COX7B2: variants seen among roughly 807,000 people sequenced by gnomAD.
COX7B2 encodes cytochrome c oxidase subunit 7B2, also known as cytochrome c oxidase subunit 7B2, mitochondrial.
For synonymous variants in COX7B2, 37 were observed against 32.1 expected (o/e 1.15, Z -0.51); for missense variants, 109 against 95.9 (o/e 1.14, Z -0.57).
At chr4:46,735,802 A>C (rs879873040) in intron 2 of COX7B2, among the ~76,000 whole-genome samples, 1 of 152,158 alleles carries the variant, frequency 6.6e-6, no homozygotes, top group Non-Finnish European at 1.5e-5. Context: ...GGGTTATCAC[A>C]CAATTTACAA....
At chr4:46,735,415 AATT>A (rs1480461554) in intron 2 of COX7B2, among the ~76,000 whole-genome samples, 174 bp from the exon 3 acceptor site, 3 of 152,288 alleles carry the variant, frequency 2.0e-5, no homozygotes, top group Non-Finnish European at 4.4e-5. Context: ...AACTTGGGGC[AATT>A]ATTTAACTTC....
At chr4:46,819,439 G>A (rs1023374558) in intron 2 of COX7B2, among the ~76,000 whole-genome samples, 2 of 151,844 alleles carry the variant, frequency 1.3e-5, no homozygotes, top group African/African-American at 4.8e-5. Flanking sequence ...AGTTAAATCA[G>A]GGGTGTCCAA....
intron 1 of COX7B2, among the ~76,000 whole-genome samples, chr4:46,859,297 T>C (rs960420893): frequency 2.6e-5 from 4 of 152,154 alleles, no homozygotes; most frequent in African/African-American, 9.7e-5. Context: ...TTTCTCACAA[T>C]GTTGACTCAA....
At chr4:46,744,891 G>A (rs1003345831) in intron 2 of COX7B2, among the ~76,000 whole-genome samples, 1 of 151,546 alleles carries the variant, frequency 6.6e-6, no homozygotes, top group African/African-American at 2.4e-5. Flanking sequence ...TGGCACGCCC[G>A]GCTAATTTTG....
chr4:46,738,677 T>C (rs888800461), intron 2 of COX7B2, among the ~76,000 whole-genome samples: 3 of 152,114 alleles, frequency 2.0e-5, no homozygotes, highest in Non-Finnish European at 4.4e-5. Context: ...GAACTAAAGC[T>C]ACAGGTTCTA....
chr4:46,781,577 C>G (rs536838445), intron 2 of COX7B2, among the ~76,000 whole-genome samples: 2 of 152,356 alleles, frequency 1.3e-5, no homozygotes, highest in Admixed American at 6.5e-5. Context: ...ACTCTGGCCA[C>G]GCTTGAGGAG....
At chr4:46,871,777 G>A (rs886628358) in intron 1 of COX7B2, among the ~76,000 whole-genome samples, 5 of 151,832 alleles carry the variant, frequency 3.3e-5, no homozygotes, top group Admixed American at 6.6e-5. Flanking sequence ...CAAAAACAAT[G>A]AGATACTTCC....
intron 2 of COX7B2, among the ~76,000 whole-genome samples, chr4:46,751,500 T>C (rs1715375178): frequency 6.6e-6 from 1 of 152,282 alleles, no homozygotes; most frequent in South Asian, 2.1e-4. Context: ...ATTATGCTAC[T>C]GTCAACTCAA....
At chr4:46,742,495 G>A (rs1714776481) in intron 2 of COX7B2, among the ~76,000 whole-genome samples, 1 of 152,054 alleles carries the variant, frequency 6.6e-6, no homozygotes. Context: ...TTTCATAACA[G>A]GAAATATGGG....
intron 1 of COX7B2, among the ~76,000 whole-genome samples, chr4:46,886,394 G>A (rs1719083541): frequency 6.6e-6 from 1 of 152,084 alleles, no homozygotes. Context: ...TCTTTGTGTG[G>A]AGAACTTTGC....
chr4:46,763,997 G>T (rs1716376235), intron 2 of COX7B2, among the ~76,000 whole-genome samples: 1 of 152,122 alleles, frequency 6.6e-6, no homozygotes, highest in South Asian at 2.1e-4. Flanking sequence ...GAAGAGTTTG[G>T]AATTAAAAAT....
At chr4:46,829,837 C>A (rs1011468225) in intron 2 of COX7B2, among the ~76,000 whole-genome samples, 1 of 151,984 alleles carries the variant, frequency 6.6e-6, no homozygotes, top group African/African-American at 2.4e-5. Context: ...AACTGAAGGG[C>A]AGAATACAGA....
chr4:46,812,501 T>A (rs972259365), intron 2 of COX7B2, among the ~76,000 whole-genome samples: 6 of 152,148 alleles, frequency 3.9e-5, no homozygotes, highest in Non-Finnish European at 7.4e-5. Flanking sequence ...AGGTGGTGAC[T>A]CTGGAACTGG....
intron 1 of COX7B2, among the ~76,000 whole-genome samples, chr4:46,857,197 T>C (rs1389097902): frequency 6.6e-6 from 1 of 152,134 alleles, no homozygotes; most frequent in Non-Finnish European, 1.5e-5. Flanking sequence ...ACTCGACAAG[T>C]TACTTAACCT....
chr4:46,757,166 G>T (rs1251260930), intron 2 of COX7B2, among the ~76,000 whole-genome samples: 1 of 152,114 alleles, frequency 6.6e-6, no homozygotes, highest in African/African-American at 2.4e-5. Flanking sequence ...CAGCAACATG[G>T]ATGGAACTGG....
At chr4:46,764,524 C>G (rs1716410878) in intron 2 of COX7B2, among the ~76,000 whole-genome samples, 1 of 151,298 alleles carries the variant, frequency 6.6e-6, no homozygotes, top group Admixed American at 6.6e-5. Context: ...GTCTGGGCAA[C>G]AGAGTGAGAC....
At chr4:46,820,169 A>G (rs1176898959) in intron 2 of COX7B2, among the ~76,000 whole-genome samples, 2 of 152,218 alleles carry the variant, frequency 1.3e-5, no homozygotes, top group Non-Finnish European at 2.9e-5. Context: ...ATATGGAATC[A>G]GTGGAAGCCC....
intron 2 of COX7B2, among the ~76,000 whole-genome samples, chr4:46,773,447 C>A (rs1414507902): frequency 6.6e-6 from 1 of 152,008 alleles, no homozygotes. Flanking sequence ...CTTTCTGAGG[C>A]CCCCCCAGTC....
At chr4:46,779,295 T>C (rs1039892244) in intron 2 of COX7B2, among the ~76,000 whole-genome samples, 2 of 152,212 alleles carry the variant, frequency 1.3e-5, no homozygotes, top group Non-Finnish European at 2.9e-5. Flanking sequence ...GTGTCTGGCT[T>C]ATTTCACTTA....
Sources: allele counts gnomAD v4.1 joint callset (sites outside exome capture counted in the v4.1 genomes callset), GRCh38; gene constraint gnomAD v4.1.1; transcripts MANE v1.5; gene names NCBI Gene and HGNC (gene_info 2026-07-23, HGNC 2026-07-21).